Variants in FRY observed in about 807,000 individuals in gnomAD.
FRY encodes FRY microtubule binding protein.
A neutral mutation model predicts 348.4 loss-of-function variants in FRY; 128 were observed. That is an observed-to-expected ratio of 0.37 (90% CI 0.32 to 0.43). The LOEUF (loss-of-function observed/expected upper bound fraction) is 0.43. FRY is among the 20% of genes least tolerant of loss of function. FRY has a pLI of 1.00. For missense variants in FRY, 2,736 were observed against 3,695.2 expected (o/e 0.74, Z 6.73); for synonymous variants, 1,370 against 1,374.7 (o/e 1.00, Z 0.08).
At chr13:32,280,983 A>T (rs1888780893) in intron 58 of FRY, among the ~76,000 whole-genome samples, 1 of 152,052 alleles carries the variant, frequency 6.6e-6, no homozygotes, top group East Asian at 1.9e-4. Flanking sequence ...CCTCAAACAA[A>T]TGTTTATCTT....
At chr13:32,177,327 G>A (rs1882424901) in intron 20 of FRY, among the ~76,000 whole-genome samples, 1 of 152,120 alleles carries the variant, frequency 6.6e-6, no homozygotes, top group African/African-American at 2.4e-5. Context: ...GGTGGTTCAC[G>A]ACTATAATCC....
chr13:32,286,476 G>A (rs533540205), intron 58 of FRY, among the ~76,000 whole-genome samples: 64 of 152,128 alleles, frequency 4.2e-4, no homozygotes, highest in African/African-American at 1.3e-3. Context: ...GGCTGGGCGC[G>A]GTGGCTCAGG....
rs1231690976 is a variant in FRY at position 32,052,690 on chromosome 13, A to C, written c.70+20825A>C. Among the ~76,000 whole-genome samples the C allele has an allele frequency of 3.3e-5, 5 of 152,366 alleles. No individual in the cohort carries two copies. The East Asian group carries it at 9.6e-4, about 29-fold the overall frequency. Reference sequence around the variant, plus strand: ...AAACACTTGATCTGTATTTGTATTTAATAAAATTTACAGTTGAAAAAGTAC... The same window carrying C: ...AAACACTTGATCTGTATTTGTATTTCATAAAATTTACAGTTGAAAAAGTAC... On this transcript the variant is annotated intron_variant, in intron 1 of 60. Transcript: ENST00000542859.
chr13:32,287,638 C>T (rs147446493), intron 58 of FRY, among the ~76,000 whole-genome samples: 269 of 138,818 alleles, frequency 1.9e-3, no homozygotes, highest in African/African-American at 7.0e-3. Flanking sequence ...AAAACGTAAA[C>T]ATTATGTTTT....
chr13:32,196,132 C>T (rs757714680), intron 29 of FRY, among the ~76,000 whole-genome samples: 1 of 152,174 alleles, frequency 6.6e-6, no homozygotes, highest in Non-Finnish European at 1.5e-5. Flanking sequence ...TTCTAAAAAG[C>T]AACTGAAGAC....
Position 32,239,260 on chromosome 13 carries a change from C to T in FRY, c.6427C>T (p.Leu2143=). Residue 2143 remains leucine, a synonymous_variant, in exon 45 of 61, where the codon CTG becomes TTG. Transcript: ENST00000542859. The surrounding 1 kb of genome is among the most constrained non-coding windows in gnomAD (Gnocchi z 4.3). ...VDASHAIGFP[L]NVLCLLPQLI... Reference sequence around the variant, plus strand: ...TATCTTCTCTAATCCAGGGTTTCCACTGAATGTCTTGTGTCTCCTGCCTCA... The same window carrying T: ...TATCTTCTCTAATCCAGGGTTTCCATTGAATGTCTTGTGTCTCCTGCCTCA... 1 of 1,596,566 alleles carries T rather than the reference C, an allele frequency of 6.3e-7. No homozygotes were observed. Among genetic ancestry groups the T allele is most frequent in the Non-Finnish European group, 8.6e-7 (1 of 1,163,972 alleles).
At chr13:32,041,283 CTTTTTTTTTTTTT>C (rs11286980) in intron 1 of FRY, among the ~76,000 whole-genome samples, 30 of 65,050 alleles carry the variant, frequency 4.6e-4, no homozygotes, top group African/African-American at 1.3e-3. Flanking sequence ...TAATCTTCTG[CTTTTTTTTTTTTT>C]TTTTTTTTTT....
chr13:32,171,744 A>G (rs1398964468), intron 18 of FRY, among the ~76,000 whole-genome samples: 1 of 152,254 alleles, frequency 6.6e-6, no homozygotes, highest in Admixed American at 6.5e-5. Flanking sequence ...AATTGTGACC[A>G]AGAAACTCAG....
At chr13:32,215,593 A>C (rs892528420) in intron 35 of FRY, among the ~76,000 whole-genome samples, 11 of 152,234 alleles carry the variant, frequency 7.2e-5, no homozygotes, top group Non-Finnish European at 1.5e-4. Context: ...TTTGTTTTTC[A>C]GACAGGGTCT....
chr13:32,264,774 G>A (rs1013597667), intron 53 of FRY, among the ~76,000 whole-genome samples: 8 of 152,216 alleles, frequency 5.3e-5, no homozygotes, highest in African/African-American at 1.9e-4. Flanking sequence ...TATCTGTGGA[G>A]GGTATTCTCA....
chr13:32,244,503 G>A (rs906393359), intron 47 of FRY, among the ~76,000 whole-genome samples: 1 of 152,190 alleles, frequency 6.6e-6, no homozygotes, highest in African/African-American at 2.4e-5. Flanking sequence ...TCCCGTTTCA[G>A]AGAAGGAGAG....
At position 32,183,402 on chromosome 13, in the gene FRY, G is replaced by A. The variant is rs7317995; in HGVS notation, c.3054+368G>A. 7.5e-3 allele frequency among the ~76,000 whole-genome samples: 1,144 copies of A among 152,286 alleles called. 7 individuals are homozygous for A. The highest frequency in any genetic ancestry group is 0.026 in the African/African-American group (1,085 of 41,552). ...GTAATTTGTTTCATCTGGCATACGA[G>A]GCATTTTCCCTAGCATCACCTTCCC... On this transcript the variant is annotated intron_variant, in intron 24 of 60. Transcript: ENST00000542859.
chr13:32,093,121 C>A (rs1340751082), intron 2 of FRY, among the ~76,000 whole-genome samples: 14 of 152,190 alleles, frequency 9.2e-5, no homozygotes, highest in Admixed American at 9.2e-4. Context: ...CCTGATATTA[C>A]TTGAAGTGAA....
At chr13:32,179,877 G>A (rs1286443273) in intron 23 of FRY, 78 bp downstream of exon 23, 1 of 1,429,070 alleles carries the variant, frequency 7.0e-7, no homozygotes, top group African/African-American at 1.4e-5. Flanking sequence ...TCAGATTTGA[G>A]TCTGTGTGTT....
intron 13 of FRY, among the ~76,000 whole-genome samples, chr13:32,148,647 A>T (rs561366388): frequency 6.6e-6 from 1 of 152,352 alleles, no homozygotes; most frequent in Non-Finnish European, 1.5e-5. Flanking sequence ...CATCTCTATA[A>T]CCTTAAACAA....
intron 14 of FRY, among the ~76,000 whole-genome samples, chr13:32,152,601 A>G (rs1880864873): frequency 6.6e-6 from 1 of 152,220 alleles, no homozygotes; most frequent in Non-Finnish European, 1.5e-5. Flanking sequence ...ACCTCAGCCT[A>G]TAATTTGCAC....
At chr13:32,225,375 T>C (rs889662898) in intron 38 of FRY, among the ~76,000 whole-genome samples, 2 of 152,144 alleles carry the variant, frequency 1.3e-5, no homozygotes, top group Admixed American at 6.5e-5. Context: ...AGAAAGGATA[T>C]AGGACGGAGT....
At chr13:32,191,823 C>T (rs1224054896) in intron 28 of FRY, among the ~76,000 whole-genome samples, 1 of 152,150 alleles carries the variant, frequency 6.6e-6, no homozygotes, top group Non-Finnish European at 1.5e-5. Context: ...GACCTAATCA[C>T]CTCCTAAAGG....
intron 37 of FRY, 150 bp downstream of exon 37, chr13:32,224,535 T>C: frequency 1.4e-6 from 1 of 729,308 alleles, no homozygotes; most frequent in East Asian, 2.7e-5. Context: ...GCTTCCAGCA[T>C]ATTAGCAGAG....
Sources: allele counts gnomAD v4.1 joint callset (sites outside exome capture counted in the v4.1 genomes callset), GRCh38; gene constraint gnomAD v4.1.1; non-coding constraint Gnocchi (gnomAD v3.1); transcripts MANE v1.5; gene names NCBI Gene and HGNC (gene_info 2026-07-23, HGNC 2026-07-21).